The following MCOLN2 variants were observed in gnomAD, a reference collection of about 807,000 sequenced individuals.
The protein encoded by MCOLN2 is mucolipin TRP cation channel 2.
A neutral mutation model predicts 67.5 loss-of-function variants in MCOLN2; 57 were observed. That is an observed-to-expected ratio of 0.84 (90% CI 0.68 to 1.05). The LOEUF is 1.05. Among genes scored for constraint, MCOLN2 ranks in the 50% least tolerant of loss-of-function variants. The pLI is 0.00. For synonymous variants in MCOLN2, 246 were observed against 233.3 expected, an observed-to-expected ratio of 1.05 and a Z score of -0.50; for missense variants, 620 against 678.8, an observed-to-expected ratio of 0.91 and a Z score of 0.96.
At chr1:84,996,656 C>A in intron 1 of MCOLN2, 140 bp downstream of exon 1, 1 of 707,026 alleles carries the variant, frequency 1.4e-6, no homozygotes. Context: ...CACAGCCTAG[C>A]CTTATTTAAC....
Position 84,987,493 on chromosome 1 carries a change from TGTATACATAG to T in MCOLN2, c.77+9293_77+9302del, listed in dbSNP as rs1650611879. 7.7e-4 allele frequency among the ~76,000 whole-genome samples: 11 copies of T among 14,320 alleles called. 1 individual carries two copies. Among genetic ancestry groups the T allele is most frequent in the Non-Finnish European group, 1.5e-3 (7 of 4,628 alleles). The allele number at this position is 14,320 out of a possible 152,430, so 9.4% of individuals were successfully genotyped here. ...ATAGATATATATACATATATACATA[TGTATACATAG>T]ATGTATACATATGTATATATGTATA... On this transcript the variant is annotated intron_variant, in intron 1 of 13. Transcript: ENST00000370608.
chr1:84,930,415 C>G (rs1340483057), intron 12 of MCOLN2, among the ~76,000 whole-genome samples: 2 of 151,996 alleles, frequency 1.3e-5, no homozygotes, highest in Non-Finnish European at 2.9e-5. Context: ...CTTAGTGGAA[C>G]AGAAGAGAGA....
At position 84,937,814 on chromosome 1, in the gene MCOLN2, T is replaced by C; in HGVS notation, c.1276A>G (p.Met426Val). The C allele has an allele frequency of 3.1e-6, 5 of 1,614,046 alleles. No homozygotes were observed. Among genetic ancestry groups the C allele is most frequent in the Non-Finnish European group, 4.2e-6 (5 of 1,180,002 alleles). ...KVLRFCACAGMIYLGYTFCGW... is the reference protein window; with the variant it reads ...KVLRFCACAGVIYLGYTFCGW... The stretch of plus-strand genomic sequence containing the variant: ...CAGAATGTGTAACCCAGATAAATCA[T>C]ACCAGCACAAGCACAAAACCGAAGA... The change falls in exon 11 of 14, where the codon ATG (methionine) becomes GTG (valine). Residue 426 changes from methionine to valine, a missense_variant. Coordinates refer to ENST00000370608, the MANE Select transcript of MCOLN2 (RefSeq NM_153259.4).
At chr1:84,956,772 C>A (rs1321835648) in intron 3 of MCOLN2, among the ~76,000 whole-genome samples, 188 bp from the exon 4 acceptor site, 1 of 152,162 alleles carries the variant, frequency 6.6e-6, no homozygotes, top group Non-Finnish European at 1.5e-5. Context: ...CCTCACAGAA[C>A]TCGAAACAAA....
At position 84,940,998 on chromosome 1, in the gene MCOLN2, A is replaced by T. The variant is rs751088871; in HGVS notation, c.848-7T>A. ...TACTGAGCATTTTTCTGAGCTGAGG[A>T]ATAAAACAGAATTCAAATGTTAAAC... On this transcript the variant is annotated splice_region_variant and splice_polypyrimidine_tract_variant and intron_variant, in intron 7 of 13. Transcript: ENST00000370608. 1 of 1,572,946 alleles carries T rather than the reference A, an allele frequency of 6.4e-7. No individual in the cohort carries two copies. Among genetic ancestry groups the T allele is most frequent in the African/African-American group, 1.4e-5 (1 of 73,950 alleles).
intron 1 of MCOLN2, among the ~76,000 whole-genome samples, chr1:84,977,896 T>G (rs763343073): frequency 6.6e-6 from 1 of 152,150 alleles, no homozygotes; most frequent in Non-Finnish European, 1.5e-5. Context: ...ATGGATCTAA[T>G]ACATATTTAC....
At position 84,952,281 on chromosome 1, in the gene MCOLN2, A is replaced by T; in HGVS notation, c.709T>A (p.Ser237Thr). ...ACATAACAGTCTGGTAACTCACGGG[A>T]ATGAATTGTCTGTAGGTCAATGCCT... ...LKGIDLQTIHSRELPDCYVFQ... is the reference protein window; with the variant it reads ...LKGIDLQTIHTRELPDCYVFQ... Residue 237 changes from serine to threonine, a missense_variant, in exon 6 of 14, where the codon TCC becomes ACC. Transcript: ENST00000370608. 1.9e-6 allele frequency: 3 copies of T among 1,613,700 alleles called. No homozygotes were observed. Among genetic ancestry groups the T allele is most frequent in the Non-Finnish European group, 2.5e-6 (3 of 1,179,782 alleles).
In MCOLN2 at chr1:84,969,945, C is replaced by T. The variant is rs1431583133; in HGVS notation, c.78-4237G>A. Reference sequence around the variant, plus strand: ...ATAATAGACGATGTGGTAAGTGCTACGGGGGCATGTGACTGGGCGCATTGA... The same window carrying T: ...ATAATAGACGATGTGGTAAGTGCTATGGGGGCATGTGACTGGGCGCATTGA... On this transcript the variant is annotated intron_variant, in intron 1 of 13. Transcript: ENST00000370608. Among the ~76,000 whole-genome samples, 4 of 152,218 alleles carry T rather than the reference C, an allele frequency of 2.6e-5. No individual in the cohort carries two copies. The East Asian group carries it at 5.8e-4, about 22-fold the overall frequency.
At chr1:84,996,714 C>T (rs1476912681) in intron 1 of MCOLN2, 82 bp downstream of exon 1, 3 of 1,244,016 alleles carry the variant, frequency 2.4e-6, no homozygotes, top group Non-Finnish European at 3.5e-6. Context: ...CAAGCAAGCT[C>T]TAGTCTACGA....
At chr1:84,981,182 G>T (rs1285306716) in intron 1 of MCOLN2, among the ~76,000 whole-genome samples, 1 of 152,148 alleles carries the variant, frequency 6.6e-6, no homozygotes, top group Non-Finnish European at 1.5e-5. Context: ...GTTGAGAAAA[G>T]GGAACCCTCA....
chr1:84,949,490 A>C (rs1318907800), intron 6 of MCOLN2, among the ~76,000 whole-genome samples: 2 of 152,072 alleles, frequency 1.3e-5, no homozygotes, highest in Non-Finnish European at 2.9e-5. Context: ...TACAAAAAAA[A>C]ATTAGCTGGG....
chr1:84,965,332 T>C (rs959327199), intron 2 of MCOLN2, among the ~76,000 whole-genome samples: 36 of 152,356 alleles, frequency 2.4e-4, no homozygotes, highest in African/African-American at 7.9e-4. Flanking sequence ...TCAGCATTTA[T>C]AGAATCTGTA....
chr1:84,942,118 G>A (rs1166259109), intron 7 of MCOLN2, among the ~76,000 whole-genome samples: 10 of 152,096 alleles, frequency 6.6e-5, no homozygotes, highest in Admixed American at 5.9e-4. Flanking sequence ...TTTATTTTCA[G>A]CCTCAAGTTC....
At chr1:84,986,820 A>G (rs1262975034) in intron 1 of MCOLN2, among the ~76,000 whole-genome samples, 1 of 152,160 alleles carries the variant, frequency 6.6e-6, no homozygotes, top group African/African-American at 2.4e-5. Flanking sequence ...GCAAATCAAA[A>G]CCACAATGTG....
intron 13 of MCOLN2, among the ~76,000 whole-genome samples, chr1:84,927,395 A>G (rs768006541): frequency 6.6e-6 from 1 of 152,156 alleles, no homozygotes; most frequent in Non-Finnish European, 1.5e-5. Flanking sequence ...CTGTTCAACC[A>G]AGCATCTCTC....
rs563570972 is a variant in MCOLN2 at position 84,927,288 on chromosome 1, T to C, written c.1665-567A>G. ...TTTGTTTCTGGAAAAAAAAAAAGAA[T>C]CTCTGTGTCCCTTCGCTAACAAGGC... is the stretch of plus-strand genomic sequence containing the variant. On this transcript the variant is annotated intron_variant, in intron 13 of 13. Coordinates refer to ENST00000370608, the MANE Select transcript of MCOLN2 (RefSeq NM_153259.4). Among the ~76,000 whole-genome samples the C allele has an allele frequency of 5.3e-5, 8 of 151,538 alleles. No homozygotes were observed. The East Asian group carries it at 1.4e-3, about 26-fold the overall frequency.
At chr1:84,927,431 C>A (rs1661218362) in intron 13 of MCOLN2, among the ~76,000 whole-genome samples, 1 of 152,196 alleles carries the variant, frequency 6.6e-6, no homozygotes, top group Non-Finnish European at 1.5e-5. Context: ...CGCTTTAGAA[C>A]TGGAAGAGGT....
chr1:84,952,635 A>G (rs1298112350), intron 4 of MCOLN2, 105 bp from the exon 5 acceptor site: 1 of 721,418 alleles, frequency 1.4e-6, no homozygotes, highest in African/African-American at 1.8e-5. Context: ...GGAGTTTCAA[A>G]GTATCTCCCT....
chr1:84,996,743 T>G, intron 1 of MCOLN2, 53 bp downstream of exon 1: 1 of 1,525,606 alleles, frequency 6.6e-7, no homozygotes, highest in African/African-American at 1.4e-5. Flanking sequence ...CCATCGACTT[T>G]AGGAAGATTT....
Sources: allele counts gnomAD v4.1 joint callset (sites outside exome capture counted in the v4.1 genomes callset), GRCh38; gene constraint gnomAD v4.1.1; transcripts MANE v1.5; gene names NCBI Gene and HGNC (gene_info 2026-07-23, HGNC 2026-07-21).